NALF1: variants seen among roughly 807,000 people sequenced by gnomAD.
NALF1 encodes NALCN channel auxiliary factor 1.
NALF1 carries 3 observed loss-of-function variants against 48.4 expected under a neutral mutation model. The ratio of observed to expected loss-of-function variants is 0.06; its 90% CI spans 0.03 to 0.16. The LOEUF (loss-of-function observed/expected upper bound fraction) is 0.16, where lower values mean the gene tolerates loss of function less well. Among genes scored for constraint, NALF1 ranks in the 10% least tolerant of loss-of-function variants. The probability of loss-of-function intolerance (pLI) is 1.00; values close to 1 mark genes in which losing one functional copy is unlikely to be tolerated. For missense variants in NALF1, 526 were observed against 571.5 expected, an observed-to-expected ratio of 0.92 and a Z score of 0.81; for synonymous variants, 262 against 245.7, an observed-to-expected ratio of 1.07 and a Z score of -0.62.
intron 1 of NALF1, among the ~76,000 whole-genome samples, chr13:107,433,761 T>C (rs1884421019): frequency 6.6e-6 from 1 of 152,062 alleles, no homozygotes; most frequent in Non-Finnish European, 1.5e-5. Flanking sequence ...AGAGAAATAA[T>C]AGATTTCCCT....
intron 2 of NALF1, among the ~76,000 whole-genome samples, chr13:107,205,367 T>TAA (rs776468032): frequency 1.3e-5 from 2 of 150,562 alleles, no homozygotes; most frequent in South Asian, 2.1e-4. Context: ...GCCAAACATT[T>TAA]AAAAAAAAAA....
intron 1 of NALF1, among the ~76,000 whole-genome samples, chr13:107,471,863 T>C (rs778668183): frequency 6.6e-6 from 1 of 152,238 alleles, no homozygotes; most frequent in Non-Finnish European, 1.5e-5. Flanking sequence ...ATGTATTATT[T>C]TCTTTGAAAA....
At chr13:107,554,819 C>T (rs1877408703) in intron 1 of NALF1, among the ~76,000 whole-genome samples, 1 of 152,054 alleles carries the variant, frequency 6.6e-6, no homozygotes, top group African/African-American at 2.4e-5. Flanking sequence ...GCCCTTCCTC[C>T]CATGGAGGGA....
intron 1 of NALF1, among the ~76,000 whole-genome samples, chr13:107,336,393 A>AT (rs1398217544): frequency 0.021 from 1,151 of 55,128 alleles, 9 homozygotes; most frequent in Non-Finnish European, 0.033. Flanking sequence ...AATAATAATA[A>AT]AAAATCTAAT....
chr13:107,618,596 G>T (rs570578970), intron 1 of NALF1, among the ~76,000 whole-genome samples: 6 of 152,294 alleles, frequency 3.9e-5, no homozygotes, highest in African/African-American at 1.4e-4. Context: ...GCCGGACCGG[G>T]ATGCTAGCCA....
At position 107,541,266 on chromosome 13, in the gene NALF1, T is replaced by A. The variant is rs144048019; in HGVS notation, c.915+324416A>T. 3.4e-3 allele frequency among the ~76,000 whole-genome samples: 514 copies of A among 152,248 alleles called. 1 individual carries two copies. Among genetic ancestry groups the A allele is most frequent in the African/African-American group, 0.012 (492 of 41,568 alleles). ...ACTGGAGCTGCTCTTCTAGTCTTGC[T>A]TTTGAAGAGGCTGTTCCAGCATGGA... is the stretch of plus-strand genomic sequence containing the variant. On this transcript the variant is annotated intron_variant, in intron 1 of 2. Coordinates refer to ENST00000375915, the MANE Select transcript of NALF1 (RefSeq NM_001080396.3).
chr13:107,785,841 C>T (rs566841873), intron 1 of NALF1, among the ~76,000 whole-genome samples: 25 of 152,202 alleles, frequency 1.6e-4, no homozygotes, highest in Non-Finnish European at 2.4e-4. Flanking sequence ...TCCTGGTGAA[C>T]GTGTTATCAA....
chr13:107,635,479 A>C (rs1879951780), intron 1 of NALF1, among the ~76,000 whole-genome samples: 1 of 145,382 alleles, frequency 6.9e-6, no homozygotes, highest in Non-Finnish European at 1.5e-5. Context: ...TGCAGGGATT[A>C]TGGGAACTAC....
intron 1 of NALF1, among the ~76,000 whole-genome samples, chr13:107,668,200 T>A (rs2138483223): frequency 6.6e-6 from 1 of 152,178 alleles, no homozygotes; most frequent in African/African-American, 2.4e-5. Flanking sequence ...AATATTCCAT[T>A]TTTGCCTACC....
intron 1 of NALF1, among the ~76,000 whole-genome samples, chr13:107,270,969 C>T (rs1881153557): frequency 6.6e-6 from 1 of 152,044 alleles, no homozygotes. Flanking sequence ...CCAGTTTCAT[C>T]CATGATTTTA....
intron 2 of NALF1, among the ~76,000 whole-genome samples, chr13:107,178,968 C>A (rs1301750736): frequency 3.4e-5 from 5 of 148,984 alleles, no homozygotes; most frequent in East Asian, 2.0e-4. Flanking sequence ...AAAAAAAAAA[C>A]AAAAAATAGA....
At chr13:107,326,235 T>C (rs1044436697) in intron 1 of NALF1, among the ~76,000 whole-genome samples, 15 of 151,990 alleles carry the variant, frequency 9.9e-5, no homozygotes, top group Admixed American at 3.3e-4. Context: ...TTAGTGCACC[T>C]GAAGCAAAGT....
chr13:107,180,350 T>A, intron 2 of NALF1, among the ~76,000 whole-genome samples: 1 of 152,190 alleles, frequency 6.6e-6, no homozygotes, highest in Middle Eastern at 3.6e-3. Flanking sequence ...AATATTTTCG[T>A]TATATCTAAG....
intron 1 of NALF1, among the ~76,000 whole-genome samples, chr13:107,352,987 C>T (rs1473055984): frequency 6.6e-6 from 1 of 152,014 alleles, no homozygotes; most frequent in African/African-American, 2.4e-5. Flanking sequence ...TTTCTGAGGG[C>T]AACCCCAAGA....
In NALF1 at chr13:107,435,130, AT is replaced by A. The variant is rs928578367; in HGVS notation, c.916-224376del. Among the ~76,000 whole-genome samples the A allele has an allele frequency of 2.0e-4, 30 of 152,188 alleles. 1 individual carries two copies. The highest frequency in any genetic ancestry group is 7.2e-4 in the African/African-American group (30 of 41,528). On this transcript the variant is annotated intron_variant, in intron 1 of 2. Coordinates refer to ENST00000375915, the MANE Select transcript of NALF1 (RefSeq NM_001080396.3). ...TCTTAGCAACTTAGCACCATTTGTA[AT>A]TTGGCCTCTATAAGAAATACACAGA...
At chr13:107,607,914 TTCC>T (rs1444673862) in intron 1 of NALF1, among the ~76,000 whole-genome samples, 19 of 152,302 alleles carry the variant, frequency 1.2e-4, no homozygotes, top group African/African-American at 4.6e-4. Context: ...TCCCCTAATC[TTCC>T]TCTACAGAAG....
intron 1 of NALF1, among the ~76,000 whole-genome samples, chr13:107,862,317 A>G (rs1880592318): frequency 6.6e-6 from 1 of 152,170 alleles, no homozygotes; most frequent in African/African-American, 2.4e-5. Flanking sequence ...TTTAAGAAAA[A>G]TCAAGCATGT....
At chr13:107,614,713 C>G (rs750681300) in intron 1 of NALF1, among the ~76,000 whole-genome samples, 1 of 151,542 alleles carries the variant, frequency 6.6e-6, no homozygotes, top group Non-Finnish European at 1.5e-5. Context: ...GCAGGCACCT[C>G]TTTTTGAAAC....
chr13:107,352,299 T>C (rs1310575109), intron 1 of NALF1, among the ~76,000 whole-genome samples: 2 of 152,122 alleles, frequency 1.3e-5, no homozygotes, highest in African/African-American at 4.8e-5. Flanking sequence ...GGGCAGGAAG[T>C]AAGTTTTTCA....
Sources: allele counts gnomAD v4.1 joint callset (sites outside exome capture counted in the v4.1 genomes callset), GRCh38; gene constraint gnomAD v4.1.1; transcripts MANE v1.5; gene names NCBI Gene and HGNC (gene_info 2026-07-23, HGNC 2026-07-21).